Variants in DLC1 observed in about 807,000 individuals in gnomAD.
DLC1 encodes the protein rho GTPase-activating protein 7.
In DLC1, 54 loss-of-function variants were observed where a neutral mutation model predicts 140.3. The ratio of observed to expected loss-of-function variants is 0.38; its 90% CI spans 0.31 to 0.48. The LOEUF is 0.48. Ranked by LOEUF, DLC1 falls within the 20% of genes least tolerant of loss-of-function variation. DLC1 has a pLI of 0.96. For missense variants in DLC1, 2,536 were observed against 1,907.0 expected (o/e 1.33, Z -6.14); for synonymous variants, 986 against 728.1 (o/e 1.35, Z -5.70).
intron 2 of DLC1, among the ~76,000 whole-genome samples, chr8:13,420,767 G>GGTGTATAT: frequency 6.6e-6 from 1 of 152,116 alleles, no homozygotes; most frequent in Non-Finnish European, 1.5e-5. Context: ...AGTATTCTGT[G>GGTGTATAT]GTGTATATGT....
intron 4 of DLC1, among the ~76,000 whole-genome samples, chr8:13,343,537 G>T (rs139144914): frequency 3.8e-4 from 58 of 152,270 alleles, no homozygotes; most frequent in African/African-American, 1.1e-3. Context: ...TAGGTAATTT[G>T]GTTATATAAT....
chr8:13,223,998 A>G (rs1397558967), intron 5 of DLC1, among the ~76,000 whole-genome samples: 2 of 152,168 alleles, frequency 1.3e-5, no homozygotes, highest in African/African-American at 4.8e-5. Context: ...TTTTGCAACT[A>G]TTTTACCTTA....
chr8:13,477,175 CA>C (rs1360063248), intron 2 of DLC1, among the ~76,000 whole-genome samples: 2 of 151,304 alleles, frequency 1.3e-5, no homozygotes, highest in African/African-American at 4.9e-5. Flanking sequence ...GTAGTAACCC[CA>C]AATCAGGGCC....
chr8:13,159,297 G>T (rs1347682817), intron 5 of DLC1, among the ~76,000 whole-genome samples: 1 of 152,186 alleles, frequency 6.6e-6, no homozygotes, highest in Non-Finnish European at 1.5e-5. Context: ...GTATCACACG[G>T]GATGCCAAGC....
At position 13,084,590 on chromosome 8, in the gene DLC1, T is replaced by G. The variant is rs1418241442; in HGVS notation, c.*1221A>C. ...TATTTTTCATTACCACTTAAATATA[T>G]TTCCAGGGCATTCTAAAGGAAAAAA... On this transcript the variant is annotated 3_prime_UTR_variant, in exon 18 of 18. Transcript: ENST00000276297. The G allele has an allele frequency of 1.4e-5, 2 of 143,092 alleles. No homozygotes were observed. Among genetic ancestry groups the G allele is most frequent in the East Asian group, 4.1e-4 (2 of 4,836 alleles). The allele number at this position is 143,092 out of a possible 1,614,324, so 8.9% of individuals were successfully genotyped here.
In DLC1 at chr8:13,573,107, T is replaced by C. The variant is rs1804720498; in HGVS notation, c.-126+31430A>G. 2.6e-5 allele frequency among the ~76,000 whole-genome samples: 4 copies of C among 152,234 alleles called. No individual in the cohort carries two copies. In the South Asian group the frequency reaches 8.3e-4, roughly 32 times the overall value. ...TATTGAGCATTCCAATTCACGCACA[T>C]TGATGTCTTTACGTCTTTTAAAAAT... On this transcript the variant is annotated intron_variant, in intron 1 of 1. Transcript: ENST00000631382.
At chr8:13,567,903 A>T in intron 1 of DLC1, 1 of 1,551,988 alleles carries the variant, frequency 6.4e-7, no homozygotes, top group Non-Finnish European at 8.7e-7. Context: ...TTCTCAAGCG[A>T]CTTACTCTAA....
At chr8:13,091,648 T>C (rs1385542028) in intron 13 of DLC1, among the ~76,000 whole-genome samples, 1 of 152,186 alleles carries the variant, frequency 6.6e-6, no homozygotes, top group Non-Finnish European at 1.5e-5. Context: ...ATGCTTTTGA[T>C]GAAATCCAGG....
chr8:13,145,487 A>G (rs1823354297), intron 5 of DLC1, among the ~76,000 whole-genome samples: 1 of 152,234 alleles, frequency 6.6e-6, no homozygotes, highest in Non-Finnish European at 1.5e-5. Context: ...CATTAAAGCT[A>G]AACACTAATT....
chr8:13,368,714 G>A (rs192570493), intron 4 of DLC1, among the ~76,000 whole-genome samples: 1 of 152,250 alleles, frequency 6.6e-6, no homozygotes, highest in South Asian at 2.1e-4. Flanking sequence ...CCTCACGGAA[G>A]GGAAGGATGT....
At chr8:13,125,974 A>G (rs1391940609) in intron 5 of DLC1, among the ~76,000 whole-genome samples, 1 of 152,116 alleles carries the variant, frequency 6.6e-6, no homozygotes, top group African/African-American at 2.4e-5. Flanking sequence ...TGTAGAATTT[A>G]AACCAATTGA....
chr8:13,087,445 G>C (rs933993376), intron 16 of DLC1, among the ~76,000 whole-genome samples: 1 of 152,184 alleles, frequency 6.6e-6, no homozygotes, highest in Non-Finnish European at 1.5e-5. Context: ...GCAACTACTT[G>C]ATCTTGAACT....
chr8:13,547,700 C>T (rs35629265), intron 1 of DLC1, among the ~76,000 whole-genome samples: 31,391 of 151,856 alleles, frequency 0.21, 3,556 homozygotes, highest in Non-Finnish European at 0.23. Flanking sequence ...TTTGTTAGCT[C>T]GACTAATAAC....
intron 5 of DLC1, among the ~76,000 whole-genome samples, chr8:13,299,576 C>T (rs73663528): frequency 5.4e-5 from 8 of 148,600 alleles, no homozygotes; most frequent in African/African-American, 2.0e-4. Flanking sequence ...CAGACCTAGG[C>T]AGAAGATGAA....
Position 13,393,691 on chromosome 8 carries a change from A to G in DLC1, c.1176T>C (p.Asp392=), listed in dbSNP as rs772915873. The change falls in exon 4 of 18, where the codon GAT becomes GAC. Residue 392 remains aspartate (D), a splice_region_variant and synonymous_variant. Coordinates refer to ENST00000276297, the MANE Select transcript of DLC1 (RefSeq NM_182643.3). ...CTCCACTTTCAGATCCTGATTCCAG[A>G]TCCTATTAAAAAACAAATGCACTGG... ...TPTNLRRHVP[D]LESGSESGAD... 7 of 1,612,216 alleles carry G rather than the reference A, an allele frequency of 4.3e-6. No individual in the cohort carries two copies. The East Asian group carries it at 1.3e-4, about 31-fold the overall frequency.
At chr8:13,519,375 G>A (rs1188793632), upstream of DLC1, among the ~76,000 whole-genome samples, 2 of 152,124 alleles carry the variant, frequency 1.3e-5, no homozygotes, top group Non-Finnish European at 2.9e-5. Context: ...TGATCCACCC[G>A]CCTTGGCCTC....
In DLC1 at chr8:13,359,734, A is replaced by T. The variant is rs530308090; in HGVS notation, c.1314+33819T>A. ...TGCTTGTTATATATAATAATGACAT[A>T]AAATGATATAAAATAAAATGAATAG... is the stretch of plus-strand genomic sequence containing the variant. On this transcript the variant is annotated intron_variant, in intron 4 of 17. Transcript: ENST00000276297. Among the ~76,000 whole-genome samples, 37 of 152,356 alleles carry T rather than the reference A, an allele frequency of 2.4e-4. No homozygotes were observed. The Middle Eastern group carries it at 0.01, about 42-fold the overall frequency.
chr8:13,481,963 C>A (rs778239889), intron 2 of DLC1, among the ~76,000 whole-genome samples: 1 of 152,122 alleles, frequency 6.6e-6, no homozygotes, highest in Non-Finnish European at 1.5e-5. Flanking sequence ...CAAAGAATGC[C>A]AAAGATTAGC....
chr8:13,257,965 C>G (rs945355531), intron 5 of DLC1, among the ~76,000 whole-genome samples: 1 of 152,154 alleles, frequency 6.6e-6, no homozygotes, highest in Non-Finnish European at 1.5e-5. Flanking sequence ...TCATCAAAAG[C>G]CAACTTGAAA....
Sources: allele counts gnomAD v4.1 joint callset (sites outside exome capture counted in the v4.1 genomes callset), GRCh38; gene constraint gnomAD v4.1.1; transcripts MANE v1.5; gene names NCBI Gene and HGNC (gene_info 2026-07-23, HGNC 2026-07-21).